Variants in SLC33A1 observed in about 807,000 individuals in gnomAD.
SLC33A1 encodes solute carrier family 33 member 1.
In SLC33A1, 20 loss-of-function variants were observed where a neutral mutation model predicts 50.0. That is an observed-to-expected ratio of 0.40 (90% confidence interval 0.28 to 0.58). SLC33A1 has a LOEUF of 0.58. SLC33A1 is among the 20% of genes least tolerant of loss of function. SLC33A1 has a pLI of 0.44. For synonymous variants in SLC33A1, 265 were observed against 251.8 expected, an observed-to-expected ratio of 1.05 and a Z score of -0.50; for missense variants, 476 against 657.0, an observed-to-expected ratio of 0.72 and a Z score of 3.01.
In SLC33A1 at chr3:155,825,203, G is replaced by C. The variant is rs1304954302; in HGVS notation, c.*3007C>G. Reference sequence around the variant, plus strand: ...CTCACTCTGTCACCCAGACAGGAATGTAGTACCACAATCACTGCTTACTGA... The same window carrying C: ...CTCACTCTGTCACCCAGACAGGAATCTAGTACCACAATCACTGCTTACTGA... On this transcript the variant is annotated 3_prime_UTR_variant, in exon 6 of 6. Transcript: ENST00000643144. The C allele has an allele frequency of 6.6e-6, 1 of 152,086 alleles. No homozygotes were observed. The highest frequency in any genetic ancestry group is 1.5e-5 in the Non-Finnish European group (1 of 68,062). 9.4% of individuals were successfully genotyped at this position (152,086 alleles called of 1,614,324 possible).
intron 1 of SLC33A1, 118 bp from the exon 2 acceptor site, chr3:155,842,737 A>T: frequency 1.6e-6 from 1 of 607,618 alleles, no homozygotes. Flanking sequence ...AGCCAAGTAC[A>T]GGTGCTCATG....
rs1201180074 is a variant in SLC33A1, at chr3:155,853,698, T to C, written c.300A>G (p.Gln100=). Residue 100 remains glutamine, a synonymous_variant, in exon 1 of 6, where the codon CAA becomes CAG. Coordinates refer to ENST00000643144, the MANE Select transcript of SLC33A1 (RefSeq NM_004733.4). ...GGTCTGTATAGCTAACATTTTTGCTTTGCAAAATGAGTGGGATGCTTCCCG... is the reference window on the plus strand; with the variant it reads ...GGTCTGTATAGCTAACATTTTTGCTCTGCAAAATGAGTGGGATGCTTCCCG... ...GLAGSIPLIL[Q]SKNVSYTDQA... The C allele has an allele frequency of 1.2e-6, 2 of 1,614,120 alleles. No individual in the cohort carries two copies. Among genetic ancestry groups the C allele is most frequent in the South Asian group, 2.2e-5 (2 of 91,072 alleles).
intron 1 of SLC33A1, among the ~76,000 whole-genome samples, chr3:155,850,877 A>G (rs1000807084): frequency 6.6e-5 from 10 of 151,866 alleles, no homozygotes; most frequent in Non-Finnish European, 1.0e-4. Context: ...TCAGCCTCCC[A>G]AAGTGCTGGG....
intron 1 of SLC33A1, among the ~76,000 whole-genome samples, chr3:155,852,056 C>A (rs369355831): frequency 2.8e-4 from 42 of 152,294 alleles, no homozygotes; most frequent in African/African-American, 9.4e-4. Flanking sequence ...TTCATCATCA[C>A]TGACAGAATG....
rs145675727 is a variant in SLC33A1, at chr3:155,846,333, T to C, written c.776-3714A>G. ...AATGTTTTCCATTATGTCATCCAGA[T>C]ACTCAGATACACCCACAGCAAGTAA... On this transcript the variant is annotated intron_variant, in intron 1 of 5. Transcript: ENST00000643144. 5.0e-3 allele frequency among the ~76,000 whole-genome samples: 762 copies of C among 152,304 alleles called. 9 individuals carry two copies. The highest frequency in any genetic ancestry group is 0.04 in the East Asian group (207 of 5,184).
intron 1 of SLC33A1, among the ~76,000 whole-genome samples, chr3:155,848,106 G>A (rs1012304620): frequency 1.3e-5 from 2 of 152,170 alleles, no homozygotes; most frequent in Non-Finnish European, 2.9e-5. Flanking sequence ...TTAGATAGAT[G>A]ACAGATAGAG....
intron 1 of SLC33A1, chr3:155,853,021 G>T (rs1753461774): frequency 1.7e-6 from 1 of 599,690 alleles, no homozygotes; most frequent in South Asian, 2.0e-5. Flanking sequence ...CCTGTTAACC[G>T]CATAGTGATC....
intron 4 of SLC33A1, 108 bp downstream of exon 4, chr3:155,833,360 G>GATTCAT (rs1752523048): frequency 1.3e-6 from 1 of 773,356 alleles, no homozygotes; most frequent in East Asian, 2.4e-5. Flanking sequence ...TTCAGTGTCA[G>GATTCAT]ATTCATGCTT....
chr3:155,850,385 T>A (rs1753350830), intron 1 of SLC33A1, among the ~76,000 whole-genome samples: 1 of 152,184 alleles, frequency 6.6e-6, no homozygotes, highest in African/African-American at 2.4e-5. Flanking sequence ...ATTAAGGAGA[T>A]GATGTTACTT....
intron 1 of SLC33A1, among the ~76,000 whole-genome samples, chr3:155,845,801 A>G (rs1753146090): frequency 6.6e-6 from 1 of 152,224 alleles, no homozygotes; most frequent in Non-Finnish European, 1.5e-5. Flanking sequence ...ATTACTACCA[A>G]AAACATGGAA....
intron 2 of SLC33A1, among the ~76,000 whole-genome samples, chr3:155,839,156 G>A (rs909195608): frequency 6.6e-6 from 1 of 151,126 alleles, no homozygotes; most frequent in Non-Finnish European, 1.5e-5. Flanking sequence ...AAAATAATTA[G>A]CCAGGCATGG....
Position 155,822,750 on chromosome 3 carries a change from G to C in SLC33A1, c.*5460C>G, listed in dbSNP as rs1331696852. The C allele has an allele frequency of 2.0e-5, 3 of 152,030 alleles. No individual in the cohort carries two copies. The highest frequency in any genetic ancestry group is 7.3e-5 in the African/African-American group (3 of 41,378). 9.4% of individuals were successfully genotyped at this position (152,030 alleles called of 1,614,324 possible). ...ACTGTAGCAACCTTTTTCTAAATGA[G>C]TCAAGACTTCTTATGAGCTATGCAA... On this transcript the variant is annotated 3_prime_UTR_variant, in exon 6 of 6. Coordinates refer to ENST00000643144, the MANE Select transcript of SLC33A1 (RefSeq NM_004733.4).
At position 155,854,049 on chromosome 3, in the gene SLC33A1, G is replaced by A. The variant is rs769345231; in HGVS notation, c.-52C>T. The A allele has an allele frequency of 3.9e-4, 571 of 1,466,530 alleles. No homozygotes were observed. The highest frequency in any genetic ancestry group is 5.0e-4 in the Non-Finnish European group (550 of 1,095,952). The allele number at this position is 1,466,530 out of a possible 1,614,324, so 90.8% of individuals were successfully genotyped here. ...GTGGGGGGCCGAGGCTGAGCGTTTT[G>A]GATCCGTCCAGTCCCAGGTCCAAGG... On this transcript the variant is annotated 5_prime_UTR_variant, in exon 1 of 6. Transcript: ENST00000643144.
intron 5 of SLC33A1, 26 bp downstream of exon 5, chr3:155,829,662 G>A (rs748744602): frequency 2.7e-6 from 4 of 1,490,224 alleles, no homozygotes; most frequent in East Asian, 2.3e-5. Context: ...TTAGCTTAAT[G>A]TTATCTAAAA....
At chr3:155,838,882 C>T (rs1461106030) in intron 2 of SLC33A1, among the ~76,000 whole-genome samples, 2 of 151,794 alleles carry the variant, frequency 1.3e-5, no homozygotes, top group African/African-American at 2.4e-5. Context: ...GGTGCGGTGG[C>T]TCACGCCTGT....
Position 155,827,410 on chromosome 3 carries a change from GCTGT to G in SLC33A1, c.*796_*799del, listed in dbSNP as rs1463169054. The G allele has an allele frequency of 2.0e-5, 3 of 152,036 alleles. No individual in the cohort carries two copies. The highest frequency in any genetic ancestry group is 1.3e-4 in the Admixed American group (2 of 15,266). 9.4% of individuals were successfully genotyped at this position (152,036 alleles called of 1,614,324 possible). A position where few individuals can be genotyped will look rare whatever the true frequency, so the allele number is the denominator to read the frequency against. On this transcript the variant is annotated 3_prime_UTR_variant, in exon 6 of 6. Transcript: ENST00000643144. Reference sequence around the variant, plus strand: ...ACACTGAATTTGATCCCCTCCATTGGCTGTCTGTGTGCCAGGAAGCACTTGTGAC... The same window carrying G: ...ACACTGAATTTGATCCCCTCCATTGGCTGTGTGCCAGGAAGCACTTGTGAC...
chr3:155,849,699 G>C (rs1753319480), intron 1 of SLC33A1, among the ~76,000 whole-genome samples: 1 of 151,726 alleles, frequency 6.6e-6, no homozygotes, highest in Non-Finnish European at 1.5e-5. Context: ...CTTGAGGTCA[G>C]GAGTTCAAGA....
At chr3:155,838,833 G>C (rs965656191) in intron 2 of SLC33A1, among the ~76,000 whole-genome samples, 3 of 151,770 alleles carry the variant, frequency 2.0e-5, no homozygotes, top group African/African-American at 7.3e-5. Flanking sequence ...CTAGACGACA[G>C]AGCAAGACCT....
chr3:155,829,886 C>G lies in SLC33A1; in HGVS notation c.1284G>C (p.Met428Ile), dbSNP rs769034906. The G allele has an allele frequency of 1.2e-6, 2 of 1,610,052 alleles. No individual in the cohort carries two copies. The highest frequency in any genetic ancestry group is 2.2e-5 in the South Asian group (2 of 90,994). ...YALHQVTVYS[M>I]YVSIMAFNAK... ...CATTGAAAGCCATTATAGAAACATA[C>G]ATGCTGTACACTGTAACCTACGGAA... Residue 428 changes from methionine (M) to isoleucine (I), a missense_variant, in exon 5 of 6, where the codon ATG becomes ATC. Transcript: ENST00000643144.
Sources: gnomAD v4.1 joint callset for allele counts (sites outside exome capture counted in the v4.1 genomes callset) on GRCh38, gnomAD v4.1.1 for gene constraint, MANE v1.5 for transcripts, NCBI Gene and HGNC (gene_info 2026-07-23, HGNC 2026-07-21) for gene names.